Variants in CNTNAP2 observed in about 807,000 individuals in gnomAD.
CNTNAP2 encodes the protein contactin associated protein 2, also known as contactin-associated protein-like 2.
In CNTNAP2, 98 loss-of-function variants were observed where a neutral mutation model predicts 155.2. The observed-to-expected ratio is 0.63, with a 90% CI of 0.54 to 0.75. The LOEUF (loss-of-function observed/expected upper bound fraction) is 0.75, where lower values mean the gene tolerates loss of function less well. CNTNAP2 is among the 30% of genes least tolerant of loss of function. The probability of loss-of-function intolerance (pLI) is 0.00; values close to 1 mark genes in which losing one functional copy is unlikely to be tolerated. For synonymous variants in CNTNAP2, 651 were observed against 631.2 expected (o/e 1.03, Z -0.47); for missense variants, 1,727 against 1,688.1 (o/e 1.02, Z -0.40).
At chr7:146,963,933 T>G (rs1797605653) in intron 3 of CNTNAP2, among the ~76,000 whole-genome samples, 1 of 150,122 alleles carries the variant, frequency 6.7e-6, no homozygotes, top group Admixed American at 6.6e-5. Flanking sequence ...TTCACTGTAT[T>G]AGGCAAGACA....
intron 10 of CNTNAP2, among the ~76,000 whole-genome samples, chr7:147,476,099 T>TTTTATTTA (rs549850540): frequency 6.6e-6 from 1 of 151,800 alleles, no homozygotes; most frequent in African/African-American, 2.4e-5. Context: ...TATTTTTTAT[T>TTTTATTTA]TTTATTTATT....
At chr7:148,122,356 A>G (rs1347260476) in intron 16 of CNTNAP2, among the ~76,000 whole-genome samples, 1 of 152,242 alleles carries the variant, frequency 6.6e-6, no homozygotes, top group Non-Finnish European at 1.5e-5. Flanking sequence ...TGGCTTGACA[A>G]GGAGCGCCTC....
At chr7:148,318,016 A>G (rs1463839543) in intron 21 of CNTNAP2, among the ~76,000 whole-genome samples, 2 of 152,120 alleles carry the variant, frequency 1.3e-5, no homozygotes, top group Admixed American at 1.3e-4. Flanking sequence ...ATCTTCCTCC[A>G]AGGTGGTGGC....
intron 1 of CNTNAP2, among the ~76,000 whole-genome samples, chr7:146,451,821 TAC>T (rs1418883970): frequency 9.9e-5 from 7 of 70,530 alleles, no homozygotes; most frequent in African/African-American, 4.6e-4. Flanking sequence ...TATATATATA[TAC>T]GTATATATAT....
chr7:147,156,376 G>A (rs12334134), intron 8 of CNTNAP2, among the ~76,000 whole-genome samples: 1,641 of 152,264 alleles, frequency 0.011, 29 homozygotes, highest in South Asian at 0.035. Flanking sequence ...AATAAACACA[G>A]AAAGATATGC....
chr7:146,196,039 C>T (rs1798770282), intron 1 of CNTNAP2, among the ~76,000 whole-genome samples: 1 of 152,104 alleles, frequency 6.6e-6, no homozygotes, highest in South Asian at 2.1e-4. Context: ...TTGTCTTGGT[C>T]TCTTTGTTTT....
chr7:147,927,677 C>T (rs1585033226), intron 14 of CNTNAP2, among the ~76,000 whole-genome samples: 1 of 152,118 alleles, frequency 6.6e-6, no homozygotes, highest in Non-Finnish European at 1.5e-5. Flanking sequence ...TATACTTGAT[C>T]AATAAACTTT....
chr7:147,794,071 T>C (rs913319997), intron 13 of CNTNAP2, among the ~76,000 whole-genome samples: 2 of 151,998 alleles, frequency 1.3e-5, no homozygotes, highest in African/African-American at 2.4e-5. Flanking sequence ...CCTTATGATG[T>C]TTTATATACA....
At chr7:146,913,831 C>A (rs542838978) in intron 3 of CNTNAP2, among the ~76,000 whole-genome samples, 1 of 151,350 alleles carries the variant, frequency 6.6e-6, no homozygotes, top group Non-Finnish European at 1.5e-5. Context: ...GTGGTGATTT[C>A]TGAGATTTTG....
chr7:147,793,187 GATA>G (rs1440468096), intron 13 of CNTNAP2, among the ~76,000 whole-genome samples: 4 of 151,942 alleles, frequency 2.6e-5, no homozygotes, highest in Admixed American at 6.6e-5. Context: ...TTTTAATTTT[GATA>G]ATATTCAATT....
At chr7:146,852,079 T>C (rs74660115) in intron 3 of CNTNAP2, among the ~76,000 whole-genome samples, 5,582 of 152,192 alleles carry the variant, frequency 0.037, 338 homozygotes, top group African/African-American at 0.13. Context: ...ACTATACATG[T>C]AAAGACCCTG....
intron 14 of CNTNAP2, among the ~76,000 whole-genome samples, chr7:147,925,724 G>A (rs1445084718): frequency 2.0e-5 from 3 of 152,182 alleles, no homozygotes; most frequent in Non-Finnish European, 4.4e-5. Context: ...GCCTCCCAAA[G>A]TGCTGGGATT....
chr7:147,042,475 C>T lies in CNTNAP2; in HGVS notation c.403-1432C>T, dbSNP rs532262342. 3.3e-5 allele frequency among the ~76,000 whole-genome samples: 5 copies of T among 152,268 alleles called. No homozygotes were observed. The East Asian group carries it at 9.6e-4, about 29-fold the overall frequency. On this transcript the variant is annotated intron_variant, in intron 3 of 23. Transcript: ENST00000361727. Reference sequence around the variant, plus strand: ...GAATGCGGGTTGGATAACAGATCTACTACAAACTTGCATTTGTGTTGCTTG... The same window carrying T: ...GAATGCGGGTTGGATAACAGATCTATTACAAACTTGCATTTGTGTTGCTTG...
chr7:147,134,500 T>C (rs1231233531), intron 8 of CNTNAP2, among the ~76,000 whole-genome samples: 1 of 151,732 alleles, frequency 6.6e-6, no homozygotes, highest in Admixed American at 6.6e-5. Context: ...TCAAGCATTT[T>C]ATATAAATAT....
At chr7:146,400,741 G>T (rs540243282) in intron 1 of CNTNAP2, among the ~76,000 whole-genome samples, 140 of 152,308 alleles carry the variant, frequency 9.2e-4, no homozygotes, top group African/African-American at 3.2e-3. Context: ...TGTTGATTGT[G>T]CTCTGGGAAA....
chr7:147,108,478 A>C, intron 5 of CNTNAP2, 128 bp downstream of exon 5: 1 of 809,118 alleles, frequency 1.2e-6, no homozygotes, highest in East Asian at 2.7e-5. Flanking sequence ...TTCATACTTA[A>C]TCTATAACAG....
At chr7:148,028,482 G>A (rs370284301) in intron 15 of CNTNAP2, among the ~76,000 whole-genome samples, 5 of 152,160 alleles carry the variant, frequency 3.3e-5, no homozygotes, top group African/African-American at 1.2e-4. Context: ...TGACCAAGGT[G>A]GAAGGATCAC....
At chr7:146,438,570 T>C (rs1048909462) in intron 1 of CNTNAP2, among the ~76,000 whole-genome samples, 2 of 151,486 alleles carry the variant, frequency 1.3e-5, no homozygotes, top group Admixed American at 1.3e-4. Flanking sequence ...TAATTATATC[T>C]AATTTTTCAC....
chr7:146,219,279 T>C (rs1294749835), intron 1 of CNTNAP2, among the ~76,000 whole-genome samples: 1 of 152,126 alleles, frequency 6.6e-6, no homozygotes, highest in East Asian at 1.9e-4. Flanking sequence ...AGCCAAACCA[T>C]ATCAGTAAGC....
Sources: gnomAD v4.1 joint callset for allele counts (sites outside exome capture counted in the v4.1 genomes callset) on GRCh38, gnomAD v4.1.1 for gene constraint, MANE v1.5 for transcripts, NCBI Gene and HGNC (gene_info 2026-07-23, HGNC 2026-07-21) for gene names.